The following JPH3 variants were observed in gnomAD, a reference collection of about 807,000 sequenced individuals.
JPH3 encodes junctophilin-3.
Under a neutral mutation model 59.6 loss-of-function variants are expected in JPH3, and 11 were observed. That is an observed-to-expected ratio of 0.18 (90% CI 0.12 to 0.31). The LOEUF is 0.31. Among genes scored for constraint, JPH3 ranks in the 10% least tolerant of loss-of-function variants. The pLI is 1.00. For synonymous variants in JPH3, 673 were observed against 483.6 expected, an observed-to-expected ratio of 1.39 and a Z score of -5.14; for missense variants, 1,202 against 1,105.7, an observed-to-expected ratio of 1.09 and a Z score of -1.24.
chr16:87,669,661 G>A (rs932880008), intron 2 of JPH3, among the ~76,000 whole-genome samples: 9 of 152,218 alleles, frequency 5.9e-5, no homozygotes, highest in African/African-American at 1.4e-4. Context: ...CGTGTGGGGT[G>A]GAGGCCGGGA....
At chr16:87,649,517 C>G (rs916407657) in intron 2 of JPH3, among the ~76,000 whole-genome samples, 2 of 152,174 alleles carry the variant, frequency 1.3e-5, no homozygotes, top group Admixed American at 6.5e-5. Context: ...ACTAGAGGCC[C>G]TGGGTTGGGA....
At chr16:87,645,167 A>C (rs1267530252) in intron 2 of JPH3, 132 bp downstream of exon 2, 13 of 933,872 alleles carry the variant, frequency 1.4e-5, no homozygotes, top group Non-Finnish European at 1.4e-5. Flanking sequence ...TGTTTCTCAA[A>C]CTATGCCCCC....
At chr16:87,680,918 T>C (rs953369561) in intron 2 of JPH3, among the ~76,000 whole-genome samples, 2 of 152,178 alleles carry the variant, frequency 1.3e-5, no homozygotes, top group Admixed American at 1.3e-4. Context: ...TAAGCAAAGA[T>C]GTGGGAACCA....
At chr16:87,648,228 C>T (rs2032215863) in intron 2 of JPH3, among the ~76,000 whole-genome samples, 1 of 150,844 alleles carries the variant, frequency 6.6e-6, no homozygotes, top group Non-Finnish European at 1.5e-5. Context: ...TCTCAATGGA[C>T]TTAGAATTTG....
At chr16:87,667,042 C>G (rs564668415) in intron 2 of JPH3, among the ~76,000 whole-genome samples, 1 of 152,360 alleles carries the variant, frequency 6.6e-6, no homozygotes, top group South Asian at 2.1e-4. Context: ...AAGCTCGAGA[C>G]GAGGGTGTGG....
At chr16:87,632,344 C>G (rs1048506905) in intron 1 of JPH3, among the ~76,000 whole-genome samples, 3 of 152,224 alleles carry the variant, frequency 2.0e-5, no homozygotes, top group African/African-American at 7.2e-5. Flanking sequence ...TGATTGTTGG[C>G]CTAGAAACTT....
chr16:87,656,022 T>C (rs2032490914), intron 2 of JPH3, among the ~76,000 whole-genome samples: 1 of 152,216 alleles, frequency 6.6e-6, no homozygotes, highest in African/African-American at 2.4e-5. Context: ...GGAGCCTCGA[T>C]AGTGGGTCTC....
chr16:87,673,277 A>G (rs569256755), intron 2 of JPH3, among the ~76,000 whole-genome samples: 19 of 152,050 alleles, frequency 1.2e-4, no homozygotes, highest in South Asian at 1.0e-3. Flanking sequence ...TTAAAACTAC[A>G]AGGAGATAAT....
intron 2 of JPH3, among the ~76,000 whole-genome samples, chr16:87,648,479 A>G (rs2032225921): frequency 6.6e-6 from 1 of 152,132 alleles, no homozygotes; most frequent in Non-Finnish European, 1.5e-5. Flanking sequence ...CCCGGCCGGC[A>G]GGGCTTGTCA....
intron 2 of JPH3, among the ~76,000 whole-genome samples, chr16:87,648,585 C>T (rs1208317069): frequency 6.6e-6 from 1 of 152,098 alleles, no homozygotes; most frequent in East Asian, 1.9e-4. Flanking sequence ...GTGGGTTTTC[C>T]TGGAAAACGG....
intron 2 of JPH3, among the ~76,000 whole-genome samples, chr16:87,675,944 T>C (rs1008614016): frequency 6.6e-6 from 1 of 152,202 alleles, no homozygotes; most frequent in African/African-American, 2.4e-5. Flanking sequence ...ATGTTTTCCA[T>C]GAAACAACAA....
At chr16:87,689,396 C>T (rs1342842087) in intron 3 of JPH3, among the ~76,000 whole-genome samples, 3 of 152,158 alleles carry the variant, frequency 2.0e-5, no homozygotes, top group East Asian at 1.9e-4. Flanking sequence ...AGCTGCTGTC[C>T]GCCCTTCCTG....
chr16:87,602,444 C>CG (rs2030246298), upstream of JPH3, among the ~76,000 whole-genome samples: 29 of 1,124 alleles, frequency 0.026, no homozygotes, highest in Non-Finnish European at 0.067. Context: ...GGGCGGGGGG[C>CG]GGGGGGCGGG....
Position 87,670,599 on chromosome 16 carries a change from T to C in JPH3, c.1161-13543T>C, listed in dbSNP as rs1440525296. ...GATCCACCTTTCCTCCAGGCACTCT[T>C]CAGGCAAATCTCTGGAGCACCCACT... is the stretch of plus-strand genomic sequence containing the variant. On this transcript the variant is annotated intron_variant, in intron 2 of 4. Transcript: ENST00000284262. 2.6e-5 allele frequency among the ~76,000 whole-genome samples: 4 copies of C among 152,198 alleles called. No individual in the cohort carries two copies. The East Asian group carries it at 7.7e-4, about 29-fold the overall frequency.
chr16:87,615,658 GCCTGACCCGGCCTC>G (rs1405371952), intron 1 of JPH3, among the ~76,000 whole-genome samples: 1 of 152,178 alleles, frequency 6.6e-6, no homozygotes, highest in Non-Finnish European at 1.5e-5. Flanking sequence ...CATCTGGGTC[GCCTGACCCGGCCTC>G]CCTGACCCGG....
chr16:87,605,231 G>A (rs745543003), intron 1 of JPH3, among the ~76,000 whole-genome samples: 22 of 152,192 alleles, frequency 1.4e-4, no homozygotes, highest in Admixed American at 5.2e-4. Flanking sequence ...CAGGGCTTTC[G>A]TTGTCTCTGA....
At chr16:87,609,730 T>C (rs1475397156) in intron 1 of JPH3, among the ~76,000 whole-genome samples, 1 of 152,188 alleles carries the variant, frequency 6.6e-6, no homozygotes, top group Non-Finnish European at 1.5e-5. Flanking sequence ...TGAAACTGTT[T>C]CACCACCATT....
intron 2 of JPH3, among the ~76,000 whole-genome samples, chr16:87,671,278 C>T (rs547709508): frequency 6.6e-6 from 1 of 152,306 alleles, no homozygotes; most frequent in African/African-American, 2.4e-5. Flanking sequence ...CCCTTCGTCA[C>T]CCCGAGGTGG....
intron 2 of JPH3, among the ~76,000 whole-genome samples, chr16:87,676,561 C>G (rs563962575): frequency 1.5e-4 from 23 of 151,860 alleles, no homozygotes; most frequent in Non-Finnish European, 3.2e-4. Flanking sequence ...TGGTGAAACC[C>G]CGTCTCTCCT....
Sources: allele counts gnomAD v4.1 joint callset (sites outside exome capture counted in the v4.1 genomes callset), GRCh38; gene constraint gnomAD v4.1.1; transcripts MANE v1.5; gene names NCBI Gene and HGNC (gene_info 2026-07-23, HGNC 2026-07-21).